LRRTM4: variants seen among roughly 807,000 people sequenced by gnomAD.
LRRTM4 encodes the protein leucine rich repeat transmembrane neuronal 4, also known as leucine-rich repeat transmembrane neuronal protein 4.
In LRRTM4, 25 loss-of-function variants were observed where a neutral mutation model predicts 47.6. The observed-to-expected ratio is 0.53, with a 90% confidence interval of 0.38 to 0.73. LRRTM4 has a LOEUF of 0.73. Ranked by LOEUF, LRRTM4 falls within the 30% of genes least tolerant of loss-of-function variation. LRRTM4 has a pLI of 0.00. For synonymous variants in LRRTM4, 311 were observed against 269.5 expected, an observed-to-expected ratio of 1.15 and a Z score of -1.51; for missense variants, 638 against 713.4, an observed-to-expected ratio of 0.89 and a Z score of 1.20.
intron 3 of LRRTM4, among the ~76,000 whole-genome samples, chr2:77,427,968 G>A (rs577811756): frequency 2.0e-5 from 3 of 152,198 alleles, no homozygotes; most frequent in African/African-American, 7.2e-5. Context: ...CACATGCCCT[G>A]GGAGGGACCC....
intron 3 of LRRTM4, among the ~76,000 whole-genome samples, chr2:76,883,346 G>C (rs1375071101): frequency 6.6e-6 from 1 of 152,126 alleles, no homozygotes; most frequent in African/African-American, 2.4e-5. Flanking sequence ...TTAACACATA[G>C]TAAATGCCCA....
At chr2:77,288,642 T>C (rs926363372) in intron 3 of LRRTM4, among the ~76,000 whole-genome samples, 1 of 152,036 alleles carries the variant, frequency 6.6e-6, no homozygotes, top group African/African-American at 2.4e-5. Flanking sequence ...AGGCAAAAAA[T>C]ACACACAAAG....
intron 3 of LRRTM4, among the ~76,000 whole-genome samples, chr2:76,823,493 G>C (rs778299665): frequency 6.6e-5 from 10 of 151,252 alleles, no homozygotes; most frequent in Non-Finnish European, 1.5e-4. Flanking sequence ...AATGCAGTAA[G>C]GATAAGTCAT....
At chr2:76,898,990 A>G (rs959344780) in intron 3 of LRRTM4, among the ~76,000 whole-genome samples, 1 of 152,012 alleles carries the variant, frequency 6.6e-6, no homozygotes, top group African/African-American at 2.4e-5. Context: ...TCTTTGATTA[A>G]TTTACATTCA....
chr2:77,094,118 A>G (rs930730486), intron 3 of LRRTM4, among the ~76,000 whole-genome samples: 3 of 152,214 alleles, frequency 2.0e-5, no homozygotes, highest in African/African-American at 7.2e-5. Flanking sequence ...TGGTAAAGAT[A>G]CAAAAATCAG....
chr2:77,347,508 T>C (rs1671604933), intron 3 of LRRTM4, among the ~76,000 whole-genome samples: 1 of 152,164 alleles, frequency 6.6e-6, no homozygotes, highest in South Asian at 2.1e-4. Flanking sequence ...CAGTATTAAG[T>C]GGACTCATCA....
intron 3 of LRRTM4, among the ~76,000 whole-genome samples, chr2:77,337,744 G>C (rs1191120639): frequency 6.6e-6 from 1 of 152,018 alleles, no homozygotes; most frequent in Admixed American, 6.6e-5. Flanking sequence ...CCAGTCTCCG[G>C]TATTTCTTTA....
chr2:76,810,165 G>A (rs933114319), intron 3 of LRRTM4, among the ~76,000 whole-genome samples: 1 of 152,084 alleles, frequency 6.6e-6, no homozygotes, highest in African/African-American at 2.4e-5. Flanking sequence ...AAAATGAGTG[G>A]CACTTCACAC....
chr2:77,437,968 T>C (rs956844327), intron 3 of LRRTM4, among the ~76,000 whole-genome samples: 8 of 152,148 alleles, frequency 5.3e-5, no homozygotes, highest in Admixed American at 1.3e-4. Flanking sequence ...TATCAAGTTA[T>C]TATGGAGATT....
At chr2:77,244,459 T>A (rs142523750) in intron 3 of LRRTM4, among the ~76,000 whole-genome samples, 36 of 152,242 alleles carry the variant, frequency 2.4e-4, no homozygotes, top group Non-Finnish European at 4.1e-4. Flanking sequence ...TTAACAGGCA[T>A]TTATACCTAG....
At chr2:77,145,690 C>A (rs963663892) in intron 3 of LRRTM4, among the ~76,000 whole-genome samples, 4 of 151,718 alleles carry the variant, frequency 2.6e-5, no homozygotes, top group African/African-American at 7.3e-5. Context: ...AGGAGAATGG[C>A]GTGAACCCGG....
intron 3 of LRRTM4, among the ~76,000 whole-genome samples, chr2:77,136,711 G>A (rs1317361766): frequency 6.6e-6 from 1 of 152,000 alleles, no homozygotes; most frequent in African/African-American, 2.4e-5. Flanking sequence ...CCATGGCAAA[G>A]AAGCTAAAAA....
intron 3 of LRRTM4, among the ~76,000 whole-genome samples, chr2:76,982,128 T>C (rs1676632966): frequency 6.6e-6 from 1 of 152,074 alleles, no homozygotes; most frequent in Admixed American, 6.6e-5. Context: ...ATTGTTATGA[T>C]CTACCATTTG....
At chr2:77,103,520 G>A (rs180836715) in intron 3 of LRRTM4, among the ~76,000 whole-genome samples, 15 of 151,974 alleles carry the variant, frequency 9.9e-5, no homozygotes, top group East Asian at 5.8e-4. Context: ...GAAAAAAAGC[G>A]GACCAAGTTT....
chr2:77,056,474 G>T (rs1422663867), intron 3 of LRRTM4, among the ~76,000 whole-genome samples: 2 of 152,086 alleles, frequency 1.3e-5, no homozygotes, highest in African/African-American at 4.8e-5. Context: ...ACTAGGAGCA[G>T]ATTGGCTATA....
At chr2:77,259,840 A>G (rs1228544008) in intron 3 of LRRTM4, among the ~76,000 whole-genome samples, 4 of 152,128 alleles carry the variant, frequency 2.6e-5, no homozygotes, top group Non-Finnish European at 4.4e-5. Flanking sequence ...CATTCCTTCC[A>G]TATATAACAC....
chr2:77,186,474 T>C (rs1673508629), intron 3 of LRRTM4, among the ~76,000 whole-genome samples: 1 of 152,098 alleles, frequency 6.6e-6, no homozygotes. Context: ...TTACCTTATA[T>C]AGAATAAGCA....
chr2:77,085,027 T>C (rs989123612), intron 3 of LRRTM4, among the ~76,000 whole-genome samples: 2 of 152,154 alleles, frequency 1.3e-5, no homozygotes, highest in Non-Finnish European at 2.9e-5. Flanking sequence ...ACAATGGATG[T>C]CAACATTTCA....
intron 3 of LRRTM4, among the ~76,000 whole-genome samples, chr2:77,085,468 ATACTAAAAT>A (rs1558570944): frequency 6.6e-6 from 1 of 151,322 alleles, no homozygotes; most frequent in Non-Finnish European, 1.5e-5. Context: ...AGATTAACTT[ATACTAAAAT>A]TATTAAAATT....
Sources: gnomAD v4.1 joint callset for allele counts (sites outside exome capture counted in the v4.1 genomes callset) on GRCh38, gnomAD v4.1.1 for gene constraint, MANE v1.5 for transcripts, NCBI Gene and HGNC (gene_info 2026-07-23, HGNC 2026-07-21) for gene names.